GANC: variants seen among roughly 807,000 people sequenced by gnomAD.
GANC encodes neutral alpha-glucosidase C.
A neutral mutation model predicts 124.2 loss-of-function variants in GANC; 117 were observed. The observed-to-expected ratio is 0.94, with a 90% CI of 0.81 to 1.10. The LOEUF is 1.10. Ranked by LOEUF, GANC falls within the 50% of genes least tolerant of loss-of-function variation. The probability of loss-of-function intolerance (pLI) is 0.00; values close to 1 mark genes in which losing one functional copy is unlikely to be tolerated. For synonymous variants in GANC, 377 were observed against 376.8 expected (o/e 1.00, Z -0.01); for missense variants, 1,140 against 1,095.0 (o/e 1.04, Z -0.58).
chr15:42,340,613 A>AG lies in GANC; in HGVS notation c.2088-77_2088-76insG, dbSNP rs1251469881. ...AGTGAGATCCATCTAAAAAAAAAAA[A>AG]AAAACTAAAAATATAAGTGATTGAT... is the stretch of plus-strand genomic sequence containing the variant. On this transcript the variant is annotated intron_variant, in intron 17 of 23. Coordinates refer to ENST00000318010, the MANE Select transcript of GANC (RefSeq NM_198141.3). The AG allele has an allele frequency of 2.5e-5, 31 of 1,237,434 alleles. No homozygotes were observed. In the East Asian group the frequency reaches 7.0e-4, roughly 28 times the overall value. 76.7% of individuals were successfully genotyped at this position (1,237,434 alleles called of 1,614,324 possible).
At chr15:42,332,655 G>T (rs1156923884) in intron 15 of GANC, among the ~76,000 whole-genome samples, 1 of 152,014 alleles carries the variant, frequency 6.6e-6, no homozygotes, top group Non-Finnish European at 1.5e-5. Context: ...ATGTAAATAC[G>T]TACATATCTC....
rs370302153 is a variant in GANC, at chr15:42,306,650, T to C, written c.625+38T>C. 5 of 1,357,308 alleles carry C rather than the reference T, an allele frequency of 3.7e-6. No individual in the cohort carries two copies. In the African/African-American group the frequency reaches 5.8e-5, roughly 16 times the overall value. 84.1% of individuals were successfully genotyped at this position (1,357,308 alleles called of 1,614,324 possible). On this transcript the variant is annotated intron_variant, in intron 7 of 23. Coordinates refer to ENST00000318010, the MANE Select transcript of GANC (RefSeq NM_198141.3). ...CTGGTATAGTATTAAAACAGATCAT[T>C]CTAAAAATGTCTACATAATTCTATC...
intron 13 of GANC, among the ~76,000 whole-genome samples, chr15:42,328,474 T>C (rs1309727072): frequency 7.4e-6 from 1 of 135,638 alleles, no homozygotes; most frequent in East Asian, 2.1e-4. Context: ...CCCTTATACA[T>C]AGAAGAACAC....
At chr15:42,278,631 G>A in intron 3 of GANC, 41 bp downstream of exon 3, 2 of 1,393,678 alleles carry the variant, frequency 1.4e-6, no homozygotes, top group Non-Finnish European at 1.0e-6. Context: ...ATTTGTTTCT[G>A]TATTTATTGG....
intron 16 of GANC, 62 bp from the exon 17 acceptor site, chr15:42,339,607 T>C (rs1395425346): frequency 6.4e-7 from 1 of 1,574,610 alleles, no homozygotes; most frequent in Non-Finnish European, 8.6e-7. Flanking sequence ...AGACCTTAAT[T>C]TCCCTGTGTG....
At chr15:42,281,281 A>G in intron 3 of GANC, 1 of 615,310 alleles carries the variant, frequency 1.6e-6, no homozygotes, top group South Asian at 1.9e-5. Flanking sequence ...TGAGATGACT[A>G]GTAGGTACAT....
intron 6 of GANC, among the ~76,000 whole-genome samples, chr15:42,301,305 C>T (rs115119774): frequency 0.014 from 2,178 of 152,278 alleles, 50 homozygotes; most frequent in African/African-American, 0.05. Context: ...AGAGACTGTG[C>T]TGTGAGGAAT....
chr15:42,285,109 G>A (rs568802610), intron 3 of GANC, among the ~76,000 whole-genome samples: 15 of 152,286 alleles, frequency 9.8e-5, no homozygotes, highest in African/African-American at 3.4e-4. Flanking sequence ...AATAGGAAAG[G>A]AATATCTACA....
chr15:42,313,263 A>C (rs887788136), intron 10 of GANC, among the ~76,000 whole-genome samples: 1 of 110,448 alleles, frequency 9.1e-6, no homozygotes, highest in Non-Finnish European at 1.9e-5. Flanking sequence ...TGGTTCAACT[A>C]TATAAGAGCT....
In GANC at chr15:42,329,422, G is replaced by C. The variant is rs754407490; in HGVS notation, c.1617G>C (p.Glu539Asp). 16 of 1,612,916 alleles carry C rather than the reference G, an allele frequency of 9.9e-6. No individual in the cohort carries two copies. The highest frequency in any genetic ancestry group is 1.4e-5 in the Non-Finnish European group (16 of 1,179,644). ...AIHHGNWEHR[E>D]LHNIYGFYHQ... ...ATCATGGCAATTGGGAGCACAGAGA[G>C]CTCCACAACATCTACGGTTTTTATC... The change falls in exon 14 of 24, where the codon GAG becomes GAC. Residue 539 changes from glutamate (E) to aspartate (D), a missense_variant. Glu to Asp is a conservative substitution (Grantham distance 45). Coordinates refer to ENST00000318010, the MANE Select transcript of GANC (RefSeq NM_198141.3).
chr15:42,335,415 T>C (rs2052276363), intron 15 of GANC, among the ~76,000 whole-genome samples: 1 of 152,144 alleles, frequency 6.6e-6, no homozygotes, highest in Non-Finnish European at 1.5e-5. Flanking sequence ...AAATTCAGCA[T>C]CCCTTCTTGT....
rs769536844 is a variant in GANC, at chr15:42,338,411, C to T, written c.1764C>T (p.Asn588=). ...AAGGTGCCGTGTGGACAGGCGACAA[C>T]ACAGCAGAATGGAGCAACTTGAAAA... ...QKYGAVWTGD[N]TAEWSNLKIS... The change falls in exon 16 of 24, where the codon AAC becomes AAT. Residue 588 remains asparagine (N), a synonymous_variant. Coordinates refer to ENST00000318010, the MANE Select transcript of GANC (RefSeq NM_198141.3). 10 of 1,613,868 alleles carry T rather than the reference C, an allele frequency of 6.2e-6. No individual in the cohort carries two copies. The highest frequency in any genetic ancestry group is 1.1e-5 in the South Asian group (1 of 91,080).
intron 11 of GANC, among the ~76,000 whole-genome samples, chr15:42,322,485 G>A (rs991557788): frequency 1.3e-5 from 2 of 152,244 alleles, no homozygotes; most frequent in Non-Finnish European, 1.5e-5. Context: ...GGTGGTTAGC[G>A]GGTGGGGACA....
intron 6 of GANC, among the ~76,000 whole-genome samples, chr15:42,301,680 G>A (rs544420430): frequency 4.6e-5 from 7 of 152,264 alleles, no homozygotes; most frequent in East Asian, 1.9e-4. Flanking sequence ...AGGGGCATCC[G>A]CCATCACTGA....
At chr15:42,326,744 A>G (rs2052201594) in intron 12 of GANC, among the ~76,000 whole-genome samples, 1 of 152,184 alleles carries the variant, frequency 6.6e-6, no homozygotes, top group African/African-American at 2.4e-5. Flanking sequence ...GAAAGAAAAA[A>G]AGTGGGTCCT....
chr15:42,287,843 A>C (rs768556402), intron 4 of GANC, 25 bp downstream of exon 4: 3 of 1,595,616 alleles, frequency 1.9e-6, no homozygotes, highest in Non-Finnish European at 2.6e-6. Context: ...GAGGTATTTT[A>C]GAGACACGCT....
chr15:42,314,440 G>C, intron 10 of GANC: 1 of 335,760 alleles, frequency 3.0e-6, no homozygotes, highest in South Asian at 3.0e-5. Flanking sequence ...TTCTATCTGA[G>C]CTTGTGACAC....
At chr15:42,287,959 G>A (rs2051807181) in intron 4 of GANC, 141 bp downstream of exon 4, 3 of 764,508 alleles carry the variant, frequency 3.9e-6, no homozygotes, top group Admixed American at 6.5e-5. Flanking sequence ...AAGTAATTGT[G>A]GTTTTTGCCA....
rs1273433148 is a variant in GANC at position 42,340,878 on chromosome 15, G to T, written c.2152+124G>T. The T allele has an allele frequency of 4.2e-6, 3 of 709,488 alleles. No homozygotes were observed. In the Admixed American group the frequency reaches 8.8e-5, roughly 21 times the overall value. 43.9% of individuals were successfully genotyped at this position (709,488 alleles called of 1,614,324 possible). A position where few individuals can be genotyped will look rare whatever the true frequency, so the allele number is the denominator to read the frequency against. On this transcript the variant is annotated intron_variant, in intron 18 of 23. Transcript: ENST00000318010. The stretch of plus-strand genomic sequence containing the variant: ...GCCTCCCGGTTTCAAGAAATTGTCT[G>T]CCTCAGCCTCCTGAGCAGCTGGGAT...
Sources: gnomAD v4.1 joint callset for allele counts (sites outside exome capture counted in the v4.1 genomes callset) on GRCh38, gnomAD v4.1.1 for gene constraint, MANE v1.5 for transcripts, NCBI Gene and HGNC (gene_info 2026-07-23, HGNC 2026-07-21) for gene names.